COCH: variants seen among roughly 807,000 people sequenced by gnomAD.
COCH encodes cochlin, also known as coagulation factor C homolog, cochlin (Limulus polyphemus).
COCH carries 40 observed loss-of-function variants against 54.8 expected under a neutral mutation model. The observed-to-expected ratio is 0.73, with a 90% CI of 0.57 to 0.95. The LOEUF is 0.95. Among genes scored for constraint, COCH ranks in the 40% least tolerant of loss-of-function variants. The pLI, the probability that COCH is intolerant of heterozygous loss-of-function variation, is 0.00. For missense variants in COCH, 605 were observed against 675.0 expected, an observed-to-expected ratio of 0.90 and a Z score of 1.15; for synonymous variants, 256 against 237.9, an observed-to-expected ratio of 1.08 and a Z score of -0.70.
intron 7 of COCH, 45 bp downstream of exon 7, chr14:30,880,541 C>A: frequency 6.2e-7 from 1 of 1,614,142 alleles, no homozygotes; most frequent in Admixed American, 1.7e-5. Context: ...TTTTCCCTCC[C>A]TCCTCTTGAG....
chr14:30,882,120 G>GTTTTTTGTTTTTTTTTTTTTTTTTTT (rs1895618463), intron 8 of COCH, among the ~76,000 whole-genome samples: 1 of 67,894 alleles, frequency 1.5e-5, no homozygotes, highest in African/African-American at 6.6e-5. Flanking sequence ...CTATAAAATG[G>GTTTTTTGTTTTTTTTTTTTTTTTTTT]TTTTTTTTTT....
chr14:30,891,420 C>A (rs577168480), downstream of COCH, among the ~76,000 whole-genome samples: 3 of 152,116 alleles, frequency 2.0e-5, no homozygotes, highest in Admixed American at 2.0e-4. Context: ...CTGAGTCTTA[C>A]AATTTTATAC....
At position 30,885,404 on chromosome 14, in the gene COCH, G is replaced by A. The variant is rs370194438; in HGVS notation, c.744G>A (p.Leu248=). 2 of 1,613,332 alleles carry A rather than the reference G, an allele frequency of 1.2e-6. No individual in the cohort carries two copies. The highest frequency in any genetic ancestry group is 1.7e-6 in the Non-Finnish European group (2 of 1,179,350). ...CTTTTTCAAATTTAGGAAAAGCCTT[G>A]AAGCATACTGCTCAGAAATTCTTCA... ...RGGNSNTGKA[L]KHTAQKFFTV... is the part of the protein sequence containing the mutation. Residue 248 remains leucine (L), a synonymous_variant, in exon 10 of 12, where the codon TTG becomes TTA. Coordinates refer to ENST00000396618, the MANE Select transcript of COCH (RefSeq NM_004086.3).
At chr14:30,889,024 T>C (rs1406080884) in intron 11 of COCH, 2 of 153,076 alleles carry the variant, frequency 1.3e-5, no homozygotes, top group East Asian at 3.9e-4. Context: ...AGGCTGACAT[T>C]TTCTGATTAT....
rs184301822 is a variant in COCH, at chr14:30,886,457, C to T, written c.1477+145C>T. 2.3e-3 allele frequency: 2,017 copies of T among 861,798 alleles called. 11 individuals are homozygous for T. The highest frequency in any genetic ancestry group is 3.2e-3 in the Non-Finnish European group (1,795 of 566,286). 53.4% of individuals were successfully genotyped at this position (861,798 alleles called of 1,614,324 possible). A position where few individuals can be genotyped will look rare whatever the true frequency, so the allele number is the denominator to read the frequency against. The stretch of plus-strand genomic sequence containing the variant: ...TAACTGTTAAAGCAGCCCTACTCAT[C>T]TCATTCTACAGATAAGGAAGCAAAC... On this transcript the variant is annotated intron_variant, in intron 11 of 11. Coordinates refer to ENST00000396618, the MANE Select transcript of COCH (RefSeq NM_004086.3).
At chr14:30,895,133 G>C (rs117866718), downstream of COCH, 126 of 299,256 alleles carry the variant, frequency 4.2e-4, 1 homozygote, top group East Asian at 6.8e-3. Flanking sequence ...ACTCCACATT[G>C]GCTTAAAGAC....
At chr14:30,895,431 G>A (rs369078041), downstream of COCH, 4 of 1,604,456 alleles carry the variant, frequency 2.5e-6, no homozygotes, top group Non-Finnish European at 3.4e-6. Context: ...ACTTTGGCAA[G>A]AGCATCAGCT....
intron 9 of COCH, chr14:30,884,962 A>G (rs1306157787): frequency 2.5e-6 from 4 of 1,598,248 alleles, no homozygotes; most frequent in African/African-American, 2.7e-5. Flanking sequence ...GTGAAAATCA[A>G]CAGACTTATC....
chr14:30,878,127 A>G (rs1895435683), intron 4 of COCH, among the ~76,000 whole-genome samples: 1 of 152,204 alleles, frequency 6.6e-6, no homozygotes, highest in Admixed American at 6.5e-5. Context: ...CAAGGTGACT[A>G]TTGTTAGCAA....
downstream of COCH, chr14:30,894,863 C>G (rs1216678663): frequency 1.3e-6 from 1 of 756,708 alleles, no homozygotes; most frequent in East Asian, 9.1e-5. Context: ...GCAACTAATG[C>G]TAAAATATTT....
At position 30,887,675 on chromosome 14, in the gene COCH, T is replaced by C. The variant is rs192263983; in HGVS notation, c.1477+1363T>C. ...TTTTAACACTCTTCTGTACCTCATT[T>C]TCCCTACTTAATTCCTAATGACATA... On this transcript the variant is annotated intron_variant, in intron 11 of 11. Coordinates refer to ENST00000396618, the MANE Select transcript of COCH (RefSeq NM_004086.3). 4.5e-4 allele frequency among the ~76,000 whole-genome samples: 69 copies of C among 152,326 alleles called. No individual in the cohort carries two copies. The Middle Eastern group carries it at 0.01, about 23-fold the overall frequency.
At chr14:30,882,111 T>C (rs936492651) in intron 8 of COCH, among the ~76,000 whole-genome samples, 6 of 141,370 alleles carry the variant, frequency 4.2e-5, no homozygotes, top group Non-Finnish European at 7.7e-5. Context: ...AGATAATCAC[T>C]ATAAAATGGT....
chr14:30,876,936 G>A (rs1895376306), intron 3 of COCH, among the ~76,000 whole-genome samples: 1 of 151,956 alleles, frequency 6.6e-6, no homozygotes, highest in African/African-American at 2.4e-5. Flanking sequence ...GTGGCGGAGA[G>A]TACAGGCATG....
downstream of COCH, among the ~76,000 whole-genome samples, chr14:30,892,224 A>G (rs2138907399): frequency 6.6e-6 from 1 of 152,342 alleles, no homozygotes; most frequent in South Asian, 2.1e-4. Flanking sequence ...TGCAGAGAAA[A>G]ATACAACCAA....
In COCH at chr14:30,874,928, T is replaced by A. The variant is rs536336458; in HGVS notation, c.-11T>A. 1.1e-5 allele frequency: 17 copies of A among 1,613,404 alleles called. No individual in the cohort carries two copies. In the East Asian group the frequency reaches 2.0e-4, roughly 19 times the overall value. Reference sequence around the variant, plus strand: ...CCCTCTCTCCCAGGTGTGAGCAGCCTATCAGTCACCATGTCCGCAGCCTGG... The same window carrying A: ...CCCTCTCTCCCAGGTGTGAGCAGCCAATCAGTCACCATGTCCGCAGCCTGG... On this transcript the variant is annotated 5_prime_UTR_variant, in exon 2 of 12. Coordinates refer to ENST00000396618, the MANE Select transcript of COCH (RefSeq NM_004086.3).
Position 30,877,491 on chromosome 14 carries a change from A to G in COCH, c.83-81A>G. 2 of 1,550,542 alleles carry G rather than the reference A, an allele frequency of 1.3e-6. No homozygotes were observed. The highest frequency in any genetic ancestry group is 1.8e-6 in the Non-Finnish European group (2 of 1,134,496). ...TGTAGAAATTAGGGAAGTAAAACTTAAATCTCACACTGTAGTCTCCCCACC... is the reference window on the plus strand; with the variant it reads ...TGTAGAAATTAGGGAAGTAAAACTTGAATCTCACACTGTAGTCTCCCCACC... On this transcript the variant is annotated intron_variant, in intron 3 of 11. Coordinates refer to ENST00000396618, the MANE Select transcript of COCH (RefSeq NM_004086.3). The surrounding 1 kb of genome is among the most constrained non-coding windows in gnomAD (Gnocchi z 8.6).
intron 4 of COCH, 23 bp from the exon 5 acceptor site, chr14:30,878,788 C>G (rs1895464207): frequency 1.2e-6 from 2 of 1,613,976 alleles, no homozygotes; most frequent in Non-Finnish European, 8.5e-7. Context: ...GATAGCATCT[C>G]AGCTGCTATT....
chr14:30,893,025 CT>C (rs1328779083), downstream of COCH, among the ~76,000 whole-genome samples: 1 of 151,996 alleles, frequency 6.6e-6, no homozygotes, highest in East Asian at 1.9e-4. Flanking sequence ...AGGATATTAC[CT>C]TATTGAAGAA....
At chr14:30,879,735 C>T (rs1309922290) in intron 6 of COCH, among the ~76,000 whole-genome samples, 2 of 152,142 alleles carry the variant, frequency 1.3e-5, no homozygotes. Context: ...CCTTAACCTC[C>T]TAGGCTCAAG....
Sources: gnomAD v4.1 joint callset for allele counts (sites outside exome capture counted in the v4.1 genomes callset) on GRCh38, gnomAD v4.1.1 for gene constraint, Gnocchi (gnomAD v3.1) non-coding constraint, MANE v1.5 for transcripts, NCBI Gene and HGNC (gene_info 2026-07-23, HGNC 2026-07-21) for gene names.